The following EEPD1 variants were observed in gnomAD, a reference collection of about 807,000 sequenced individuals.
EEPD1 encodes endonuclease/exonuclease/phosphatase family domain containing 1, also known as endonuclease/exonuclease/phosphatase family domain-containing protein 1.
A neutral mutation model predicts 46.3 loss-of-function variants in EEPD1; 17 were observed. The ratio of observed to expected loss-of-function variants is 0.37; its 90% confidence interval spans 0.25 to 0.55. EEPD1 has a LOEUF of 0.55. EEPD1 is among the 20% of genes least tolerant of loss of function. EEPD1 has a pLI of 0.83. For missense variants in EEPD1, 673 were observed against 745.6 expected, an observed-to-expected ratio of 0.90 and a Z score of 1.13; for synonymous variants, 313 against 315.6, an observed-to-expected ratio of 0.99 and a Z score of 0.09.
chr7:36,240,749 C>A (rs1383852940), intron 3 of EEPD1, among the ~76,000 whole-genome samples: 1 of 152,156 alleles, frequency 6.6e-6, no homozygotes, highest in African/African-American at 2.4e-5. Flanking sequence ...AGTTCCCAAC[C>A]TTTTTGGCAC....
intron 2 of EEPD1, among the ~76,000 whole-genome samples, chr7:36,195,993 C>A (rs527814896): frequency 6.6e-6 from 1 of 152,140 alleles, no homozygotes; most frequent in African/African-American, 2.4e-5. Context: ...CACACCTAGA[C>A]TATATATGGT....
intron 2 of EEPD1, among the ~76,000 whole-genome samples, chr7:36,173,570 C>G (rs1785127014): frequency 1.3e-5 from 2 of 152,004 alleles, no homozygotes; most frequent in African/African-American, 4.8e-5. Context: ...ACCTGCCTTC[C>G]TCCCCTTCCA....
chr7:36,284,178 A>C (rs1583478322), intron 4 of EEPD1, among the ~76,000 whole-genome samples: 2 of 152,348 alleles, frequency 1.3e-5, no homozygotes, highest in Admixed American at 1.3e-4. Context: ...CCACTCACCC[A>C]GAAAACACTG....
chr7:36,159,353 G>A (rs1399565324), intron 2 of EEPD1, among the ~76,000 whole-genome samples: 1 of 152,186 alleles, frequency 6.6e-6, no homozygotes, highest in East Asian at 1.9e-4. Flanking sequence ...TGAACAATAG[G>A]CTCACCCTGG....
chr7:36,262,581 A>G (rs1786945290), intron 3 of EEPD1, among the ~76,000 whole-genome samples: 1 of 152,108 alleles, frequency 6.6e-6, no homozygotes, highest in South Asian at 2.1e-4. Flanking sequence ...GTCTCCCCTG[A>G]TTCTTCTCTT....
chr7:36,262,909 C>T (rs1414033183), intron 3 of EEPD1, among the ~76,000 whole-genome samples: 3 of 152,110 alleles, frequency 2.0e-5, no homozygotes, highest in Non-Finnish European at 2.9e-5. Flanking sequence ...GTTTTACAAC[C>T]GCCTGACCAT....
chr7:36,193,288 A>G lies in EEPD1; in HGVS notation c.878+38086A>G, dbSNP rs1469135940. On this transcript the variant is annotated intron_variant, in intron 2 of 7. Transcript: ENST00000242108. The surrounding 1 kb of genome is among the most constrained non-coding windows in gnomAD (Gnocchi z 4.9). ...CAGAAGTTAGATGGAGAAGAGGCCC[A>G]GAGAGCAGAGTTCCCGAGAGGGAGA... is the stretch of plus-strand genomic sequence containing the variant. Among the ~76,000 whole-genome samples, 1 of 148,474 alleles carries G rather than the reference A, an allele frequency of 6.7e-6. No individual in the cohort carries two copies. The highest frequency in any genetic ancestry group is 2.5e-5 in the African/African-American group (1 of 40,380).
rs770071168 is a variant in EEPD1, at chr7:36,219,804, A to AGTGTGTGTGTGTGTGT, written c.879-19180_879-19179insTGTGTGTGTGTGTGTG. Among the ~76,000 whole-genome samples, 711 of 87,578 alleles carry AGTGTGTGTGTGTGTGT rather than the reference A, an allele frequency of 8.1e-3. 4 individuals carry two copies. Among genetic ancestry groups the AGTGTGTGTGTGTGTGT allele is most frequent in the Non-Finnish European group, 0.012 (544 of 43,748 alleles). 57.5% of individuals were successfully genotyped at this position (87,578 alleles called of 152,430 possible). A position where few individuals can be genotyped will look rare whatever the true frequency, so the allele number is the denominator to read the frequency against. On this transcript the variant is annotated intron_variant, in intron 2 of 7. Transcript: ENST00000242108. ...GAGAGAGAGAGAGAGAGAGAGAGAG[A>AGTGTGTGTGTGTGTGT]GAGTGTGTGTGTGTGTGTGTGTGTG...
chr7:36,161,556 G>T (rs1230373958), intron 2 of EEPD1, among the ~76,000 whole-genome samples: 5 of 152,066 alleles, frequency 3.3e-5, no homozygotes, highest in East Asian at 3.9e-4. Context: ...CGGCTGAGGA[G>T]GGGGAGGTCC....
intron 2 of EEPD1, among the ~76,000 whole-genome samples, chr7:36,198,519 G>A (rs890256233): frequency 6.7e-5 from 10 of 149,874 alleles, no homozygotes; most frequent in African/African-American, 2.4e-4. Flanking sequence ...TATGTGGTAC[G>A]TGACTGTAGA....
At chr7:36,210,354 T>C (rs1472612325) in intron 2 of EEPD1, among the ~76,000 whole-genome samples, 1 of 152,222 alleles carries the variant, frequency 6.6e-6, no homozygotes, top group East Asian at 1.9e-4. Context: ...GGGTATTTAA[T>C]ATGAGTCCAA....
intron 4 of EEPD1, among the ~76,000 whole-genome samples, chr7:36,283,153 C>G (rs1242766313): frequency 2.6e-5 from 4 of 152,158 alleles, no homozygotes; most frequent in Non-Finnish European, 4.4e-5. Flanking sequence ...ATGTGAGGTG[C>G]TCGGACCTGA....
chr7:36,220,623 T>C (rs1051971596), intron 2 of EEPD1, among the ~76,000 whole-genome samples: 4 of 152,138 alleles, frequency 2.6e-5, no homozygotes, highest in African/African-American at 9.7e-5. Context: ...GTTGTCCTCA[T>C]CTCTAGAGCA....
intron 6 of EEPD1, among the ~76,000 whole-genome samples, chr7:36,295,947 C>T (rs1239505892): frequency 7.3e-6 from 1 of 136,878 alleles, no homozygotes; most frequent in African/African-American, 2.7e-5. Context: ...AGGAGAATCG[C>T]TTGAACCCAG....
At chr7:36,212,048 C>T (rs1208556628) in intron 2 of EEPD1, among the ~76,000 whole-genome samples, 2 of 151,940 alleles carry the variant, frequency 1.3e-5, no homozygotes, top group Non-Finnish European at 2.9e-5. Context: ...ATAGAAATTA[C>T]TTACATAAAT....
At chr7:36,259,232 T>C (rs1050888271) in intron 3 of EEPD1, among the ~76,000 whole-genome samples, 1 of 152,192 alleles carries the variant, frequency 6.6e-6, no homozygotes, top group Non-Finnish European at 1.5e-5. Flanking sequence ...AATGCAGAAA[T>C]CACTCACTTT....
intron 2 of EEPD1, among the ~76,000 whole-genome samples, chr7:36,161,185 T>C (rs1784897043): frequency 6.6e-6 from 1 of 152,214 alleles, no homozygotes; most frequent in South Asian, 2.1e-4. Context: ...ATACATTCAG[T>C]TCAACATTGA....
chr7:36,277,677 T>C (rs1044479051), intron 3 of EEPD1, among the ~76,000 whole-genome samples: 1 of 152,192 alleles, frequency 6.6e-6, no homozygotes, highest in Admixed American at 6.5e-5. Context: ...GTCCTAAAAA[T>C]AGAAGAAAAT....
chr7:36,284,094 A>G (rs1236693213), intron 4 of EEPD1, among the ~76,000 whole-genome samples: 1 of 152,170 alleles, frequency 6.6e-6, no homozygotes, highest in Non-Finnish European at 1.5e-5. Context: ...CCTAAGCTTC[A>G]CACCTCTGCC....
Sources: allele counts gnomAD v4.1 joint callset (sites outside exome capture counted in the v4.1 genomes callset), GRCh38; gene constraint gnomAD v4.1.1; non-coding constraint Gnocchi (gnomAD v3.1); transcripts MANE v1.5; gene names NCBI Gene and HGNC (gene_info 2026-07-23, HGNC 2026-07-21).